The following SLC36A3 variants were observed in gnomAD, a reference collection of about 807,000 sequenced individuals.
SLC36A3 encodes the protein proton-coupled amino acid transporter 3.
In SLC36A3, 35 loss-of-function variants were observed where a neutral mutation model predicts 44.3. That is an observed-to-expected ratio of 0.79 (90% CI 0.60 to 1.05). SLC36A3 has a LOEUF of 1.05. Ranked by LOEUF, SLC36A3 falls within the 50% of genes least tolerant of loss-of-function variation. The pLI is 0.00. For missense variants in SLC36A3, 540 were observed against 578.7 expected (o/e 0.93, Z 0.69); for synonymous variants, 211 against 227.6 (o/e 0.93, Z 0.66).
At chr5:151,278,502 G>A (rs1754187622) in intron 9 of SLC36A3, among the ~76,000 whole-genome samples, 1 of 152,072 alleles carries the variant, frequency 6.6e-6, no homozygotes, top group African/African-American at 2.4e-5. Context: ...TATGTAGTTT[G>A]GGGGTACATG....
intron 4 of SLC36A3, among the ~76,000 whole-genome samples, chr5:151,293,159 G>T (rs1407457064): frequency 6.6e-6 from 1 of 152,178 alleles, no homozygotes; most frequent in Non-Finnish European, 1.5e-5. Flanking sequence ...GAGAAAAAAA[G>T]TCTAAAGGAA....
chr5:151,297,142 C>T (rs1238770920), intron 2 of SLC36A3: 1 of 152,154 alleles, frequency 6.6e-6, no homozygotes, highest in Non-Finnish European at 1.5e-5. Flanking sequence ...TTCTATATTC[C>T]CAGGGGCTAC....
chr5:151,278,845 A>G (rs1373824558), intron 9 of SLC36A3, among the ~76,000 whole-genome samples: 5 of 152,202 alleles, frequency 3.3e-5, no homozygotes, highest in Admixed American at 6.5e-5. Context: ...TCTTCCAGGA[A>G]AGCTCACAAC....
rs1418346991 is a variant in SLC36A3, at chr5:151,299,260, C to CTATA, written c.129-578_129-577insTATA. On this transcript the variant is annotated intron_variant, in intron 1 of 9. Coordinates refer to ENST00000335230, the MANE Select transcript of SLC36A3 (RefSeq NM_181774.4). Reference sequence around the variant, plus strand: ...TCTCTCTCTCTCTCTCTCTCTCTCTCTCTCTATATATATATATATATATAT... The same window carrying CTATA: ...TCTCTCTCTCTCTCTCTCTCTCTCTCTATATCTCTATATATATATATATATATAT... 2.0e-3 allele frequency among the ~76,000 whole-genome samples: 134 copies of CTATA among 65,428 alleles called. 1 individual carries two copies. The highest frequency in any genetic ancestry group is 4.7e-3 in the Admixed American group (22 of 4,648). The allele number at this position is 65,428 out of a possible 152,430, so 42.9% of individuals were successfully genotyped here. A position where few individuals can be genotyped will look rare whatever the true frequency, so the allele number is the denominator to read the frequency against.
At chr5:151,284,275 A>AGC in intron 7 of SLC36A3, 65 bp from the exon 8 acceptor site, 1 of 1,497,920 alleles carries the variant, frequency 6.7e-7, no homozygotes, top group Non-Finnish European at 9.0e-7. Flanking sequence ...TGTGAAGGAG[A>AGC]GGGTTCCCGT....
At chr5:151,277,968 C>G (rs1370851925) in intron 9 of SLC36A3, among the ~76,000 whole-genome samples, 10 of 152,150 alleles carry the variant, frequency 6.6e-5, no homozygotes, top group African/African-American at 1.9e-4. Flanking sequence ...CTAGAAGGAA[C>G]AGGACTTGTT....
rs752756808 is a variant in SLC36A3 at position 151,277,558 on chromosome 5, G to C, written c.1248C>G (p.Ile416Met). Residue 416 changes from isoleucine (I) to methionine (M), a missense_variant, in exon 10 of 10, where the codon ATC becomes ATG. Physicochemically the swap from Ile to Met is conservative, Grantham distance 10. Transcript: ENST00000335230. Reference sequence around the variant, plus strand: ...TCATGTCCTCAGAGTAAAAGATGACGATCTCCAGGAGGGCTGGGATGATGA... The same window carrying C: ...TCATGTCCTCAGAGTAAAAGATGACCATCTCCAGGAGGGCTGGGATGATGA... ...LALIIPALLE[I>M]VIFYSEDMSC... 2.5e-5 allele frequency: 41 copies of C among 1,614,062 alleles called. No individual in the cohort carries two copies. The highest frequency in any genetic ancestry group is 3.3e-5 in the Non-Finnish European group (39 of 1,180,040).
At position 151,277,388 on chromosome 5, in the gene SLC36A3, G is replaced by A; in HGVS notation, c.*5C>T. On this transcript the variant is annotated 3_prime_UTR_variant, in exon 10 of 10. Coordinates refer to ENST00000335230, the MANE Select transcript of SLC36A3 (RefSeq NM_181774.4). Reference sequence around the variant, plus strand: ...AGGGAGAGCTATTAGAATAAAAACAGATAATTATGCATGGACACCTGTGGA... The same window carrying A: ...AGGGAGAGCTATTAGAATAAAAACAAATAATTATGCATGGACACCTGTGGA... The A allele has an allele frequency of 3.1e-6, 5 of 1,613,612 alleles. No individual in the cohort carries two copies. The highest frequency in any genetic ancestry group is 1.1e-5 in the South Asian group (1 of 91,070).
At chr5:151,295,228 C>G (rs144969784) in intron 3 of SLC36A3, among the ~76,000 whole-genome samples, 104 of 152,240 alleles carry the variant, frequency 6.8e-4, no homozygotes, top group African/African-American at 2.4e-3. Context: ...CACTTCCCAG[C>G]TATATGACCC....
intron 3 of SLC36A3, 62 bp downstream of exon 3, chr5:151,296,118 G>A (rs765775509): frequency 2.0e-6 from 3 of 1,517,792 alleles, no homozygotes; most frequent in Middle Eastern, 1.7e-4. Flanking sequence ...GTGGTCAAAA[G>A]AAGAGCAACA....
At chr5:151,300,779 G>C (rs1224885247) in intron 1 of SLC36A3, among the ~76,000 whole-genome samples, 3 of 152,168 alleles carry the variant, frequency 2.0e-5, no homozygotes, top group Non-Finnish European at 4.4e-5. Flanking sequence ...ATTATAAAAG[G>C]AAATTCCAAA....
At chr5:151,296,538 C>T in intron 2 of SLC36A3, 1 of 499,750 alleles carries the variant, frequency 2.0e-6, no homozygotes, top group Non-Finnish European at 3.6e-6. Context: ...TTCTCATTTT[C>T]CTTGAGTTCT....
rs1295713082 is a variant in SLC36A3 at position 151,284,058 on chromosome 5, G to A, written c.960C>T (p.Asn320=). 2 of 1,612,372 alleles carry A rather than the reference G, an allele frequency of 1.2e-6. No homozygotes were observed. The highest frequency in any genetic ancestry group is 4.5e-5 in the East Asian group (2 of 44,884). Reference sequence around the variant, plus strand: ...GCAGGACATACCAGCAATTGGGCAAGTTGAGGGTGATGCTGGCCTGGGTGT... The same window carrying A: ...GCAGGACATACCAGCAATTGGGCAAATTGAGGGTGATGCTGGCCTGGGTGT... The part of the protein sequence containing the change: ...GSDTQASITL[N]LPNCWLYQSV... The change falls in exon 8 of 10, where the codon AAC becomes AAT. Residue 320 remains asparagine, a synonymous_variant. Transcript: ENST00000335230.
intron 1 of SLC36A3, among the ~76,000 whole-genome samples, chr5:151,301,253 G>C (rs1312647497): frequency 6.6e-6 from 1 of 151,932 alleles, no homozygotes; most frequent in Non-Finnish European, 1.5e-5. Flanking sequence ...TTTTTGCCTG[G>C]GGACCATTCT....
At chr5:151,291,660 A>G (rs1754761492) in intron 4 of SLC36A3, among the ~76,000 whole-genome samples, 1 of 151,976 alleles carries the variant, frequency 6.6e-6, no homozygotes, top group Admixed American at 6.6e-5. Context: ...AGGTGGTACT[A>G]CTCTGTACTC....
At chr5:151,291,754 G>T (rs1409140294) in intron 4 of SLC36A3, among the ~76,000 whole-genome samples, 13 of 152,176 alleles carry the variant, frequency 8.5e-5, no homozygotes, top group Admixed American at 8.5e-4. Flanking sequence ...ATGGGGTCAG[G>T]TAGCATCAGT....
At chr5:151,293,576 T>C in intron 3 of SLC36A3, 117 bp from the exon 4 acceptor site, 5 of 799,564 alleles carry the variant, frequency 6.3e-6, no homozygotes, top group Non-Finnish European at 7.8e-6. Context: ...TTCTGTCAAT[T>C]TTCTCCCAGT....
At chr5:151,286,914 C>A (rs1452091843) in intron 6 of SLC36A3, among the ~76,000 whole-genome samples, 1 of 152,126 alleles carries the variant, frequency 6.6e-6, no homozygotes, top group Non-Finnish European at 1.5e-5. Context: ...TGAGAGCAGG[C>A]ACCCTATTTA....
intron 9 of SLC36A3, among the ~76,000 whole-genome samples, chr5:151,280,025 A>G (rs1014689257): frequency 6.6e-6 from 1 of 152,144 alleles, no homozygotes; most frequent in Non-Finnish European, 1.5e-5. Context: ...CCGTCTAGAC[A>G]TGTTCCAAAG....
Sources: allele counts gnomAD v4.1 joint callset (sites outside exome capture counted in the v4.1 genomes callset), GRCh38; gene constraint gnomAD v4.1.1; transcripts MANE v1.5; gene names NCBI Gene and HGNC (gene_info 2026-07-23, HGNC 2026-07-21).